TET1: variants seen among roughly 807,000 people sequenced by gnomAD.
The protein encoded by TET1 is methylcytosine dioxygenase TET1.
A neutral mutation model predicts 148.7 loss-of-function variants in TET1; 13 were observed. That is an observed-to-expected ratio of 0.09 (90% confidence interval 0.06 to 0.14). The LOEUF is 0.14. Ranked by LOEUF, TET1 falls within the 10% of genes least tolerant of loss-of-function variation. The pLI is 1.00. For synonymous variants in TET1, 907 were observed against 937.2 expected, an observed-to-expected ratio of 0.97 and a Z score of 0.59; for missense variants, 2,182 against 2,553.8, an observed-to-expected ratio of 0.85 and a Z score of 3.14.
At chr10:68,669,517 G>GT (rs2055243079) in intron 7 of TET1, among the ~76,000 whole-genome samples, 9 of 134,384 alleles carry the variant, frequency 6.7e-5, no homozygotes, top group African/African-American at 1.4e-4. Flanking sequence ...TTTTTGGGGG[G>GT]GTTTTTTTTT....
intron 3 of TET1, among the ~76,000 whole-genome samples, chr10:68,622,186 C>T (rs1404392001): frequency 9.2e-6 from 1 of 108,846 alleles, no homozygotes; most frequent in Non-Finnish European, 1.9e-5. Context: ...TCCTTCCTTC[C>T]TTCCTTCCTT....
intron 2 of TET1, among the ~76,000 whole-genome samples, chr10:68,590,003 G>T (rs2053901345): frequency 6.6e-6 from 1 of 152,058 alleles, no homozygotes. Flanking sequence ...AATTTTAACT[G>T]CTCATTACAT....
intron 2 of TET1, among the ~76,000 whole-genome samples, chr10:68,588,592 T>C (rs2053885134): frequency 6.6e-6 from 1 of 152,128 alleles, no homozygotes; most frequent in African/African-American, 2.4e-5. Flanking sequence ...ATAAGTCATG[T>C]TGAGGTTATT....
chr10:68,627,929 A>C (rs1373678281), intron 3 of TET1, among the ~76,000 whole-genome samples: 1 of 151,686 alleles, frequency 6.6e-6, no homozygotes, highest in Non-Finnish European at 1.5e-5. Flanking sequence ...GAGCGAGACT[A>C]TGTCTAAAAA....
chr10:68,657,953 G>A (rs759857012), intron 6 of TET1, among the ~76,000 whole-genome samples: 1 of 152,134 alleles, frequency 6.6e-6, no homozygotes, highest in Non-Finnish European at 1.5e-5. Flanking sequence ...TGGATTATAC[G>A]TGGGTGAGGG....
intron 3 of TET1, among the ~76,000 whole-genome samples, chr10:68,611,449 G>A (rs1416614478): frequency 3.9e-5 from 6 of 152,036 alleles, no homozygotes; most frequent in African/African-American, 9.7e-5. Context: ...TGAAGCCACC[G>A]CACTCCAGCC....
Position 68,691,888 on chromosome 10 carries a change from G to T in TET1, c.*74G>T. 1 of 1,494,652 alleles carries T rather than the reference G, an allele frequency of 6.7e-7. No individual in the cohort carries two copies. 92.6% of individuals were successfully genotyped at this position (1,494,652 alleles called of 1,614,324 possible). ...CAAGGTGCTGTTAAAAGAAAGTCAT[G>T]TTGTCGTTTACTATCTTCATCTCAC... On this transcript the variant is annotated 3_prime_UTR_variant, in exon 12 of 12. Coordinates refer to ENST00000373644, the MANE Select transcript of TET1 (RefSeq NM_030625.3). The surrounding 1 kb of genome is among the most constrained non-coding windows in gnomAD (Gnocchi z 4.4).
intron 1 of TET1, among the ~76,000 whole-genome samples, chr10:68,570,714 C>CAT (rs2053659835): frequency 6.6e-6 from 1 of 151,608 alleles, no homozygotes; most frequent in Non-Finnish European, 1.5e-5. Context: ...ACTTCAAGCT[C>CAT]CGCCTCCCGG....
At chr10:68,667,743 C>CAAA (rs71474424) in intron 7 of TET1, among the ~76,000 whole-genome samples, 21 of 118,068 alleles carry the variant, frequency 1.8e-4, no homozygotes, top group Admixed American at 6.3e-4. Context: ...GACTCCATCT[C>CAAA]AAAAAAAAAA....
intron 2 of TET1, among the ~76,000 whole-genome samples, chr10:68,599,496 T>C (rs901420538): frequency 1.3e-5 from 2 of 152,234 alleles, no homozygotes; most frequent in Non-Finnish European, 2.9e-5. Context: ...CGGCTCCCGG[T>C]CCAGTCTTTC....
intron 6 of TET1, 33 bp from the exon 7 acceptor site, chr10:68,667,012 T>G: frequency 6.3e-7 from 1 of 1,588,154 alleles, no homozygotes; most frequent in Admixed American, 1.7e-5. Flanking sequence ...GGCATACTTG[T>G]CTTCCATAGA....
intron 3 of TET1, among the ~76,000 whole-genome samples, chr10:68,605,925 C>T (rs765525613): frequency 5.3e-5 from 8 of 152,136 alleles, no homozygotes; most frequent in East Asian, 1.9e-4. Context: ...GAGGTCTTGC[C>T]GTGCTGCCCA....
chr10:68,689,795 T>A (rs1024243786), intron 11 of TET1, among the ~76,000 whole-genome samples: 1 of 150,494 alleles, frequency 6.6e-6, no homozygotes, highest in Non-Finnish European at 1.5e-5. Flanking sequence ...AAAAAAGAAC[T>A]TCATAACAGG....
chr10:68,585,642 T>C (rs1339729226), intron 2 of TET1, among the ~76,000 whole-genome samples: 1 of 152,110 alleles, frequency 6.6e-6, no homozygotes, highest in Admixed American at 6.6e-5. Flanking sequence ...ATAGCTTGTA[T>C]TGGATTTCAG....
chr10:68,572,395 C>T lies in TET1; in HGVS notation c.57C>T (p.Asn19=). The change falls in exon 2 of 12, where the codon AAC becomes AAT. Residue 19 remains asparagine (N), a synonymous_variant. Transcript: ENST00000373644. ...PSRLVRKEDV[N]KKKKNSQLRK... ...GATTAGTCAGGAAGGAAGATGTAAA[C>T]AAAAAAAAGAAAAACAGCCAACTAC... 1.9e-6 allele frequency: 3 copies of T among 1,610,134 alleles called. No homozygotes were observed. Among genetic ancestry groups the T allele is most frequent in the Non-Finnish European group, 2.5e-6 (3 of 1,179,032 alleles).
At chr10:68,683,603 G>T (rs942334887) in intron 10 of TET1, among the ~76,000 whole-genome samples, 53 of 151,790 alleles carry the variant, frequency 3.5e-4, no homozygotes, top group African/African-American at 1.2e-3. Flanking sequence ...TAGTAGAGAT[G>T]GGGTTTCACC....
At chr10:68,596,424 T>A (rs1238285129) in intron 2 of TET1, among the ~76,000 whole-genome samples, 1 of 152,126 alleles carries the variant, frequency 6.6e-6, no homozygotes, top group Non-Finnish European at 1.5e-5. Flanking sequence ...TATTTTTACT[T>A]CTTTGGGCCT....
At chr10:68,640,659 C>G (rs1367134453) in intron 3 of TET1, among the ~76,000 whole-genome samples, 1 of 146,232 alleles carries the variant, frequency 6.8e-6, no homozygotes, top group Admixed American at 7.0e-5. Flanking sequence ...TCACGCCATT[C>G]TCCTGCCTCA....
chr10:68,688,921 G>A (rs1464088718), intron 11 of TET1, among the ~76,000 whole-genome samples: 4 of 152,138 alleles, frequency 2.6e-5, no homozygotes, highest in Admixed American at 6.5e-5. Context: ...TTTATGAGAA[G>A]CTGTTTATTT....
Sources: allele counts gnomAD v4.1 joint callset (sites outside exome capture counted in the v4.1 genomes callset), GRCh38; gene constraint gnomAD v4.1.1; non-coding constraint Gnocchi (gnomAD v3.1); transcripts MANE v1.5; gene names NCBI Gene and HGNC (gene_info 2026-07-23, HGNC 2026-07-21).